The following TAF1B variants were observed in gnomAD, a reference collection of about 807,000 sequenced individuals.
TAF1B encodes TATA-box binding protein associated factor, RNA polymerase I subunit B.
Under a neutral mutation model 83.9 loss-of-function variants are expected in TAF1B, and 61 were observed. The ratio of observed to expected loss-of-function variants is 0.73; its 90% confidence interval spans 0.59 to 0.90. The LOEUF (loss-of-function observed/expected upper bound fraction) is 0.90. Among genes scored for constraint, TAF1B ranks in the 40% least tolerant of loss-of-function variants. The pLI is 0.00. For synonymous variants in TAF1B, 221 were observed against 224.6 expected (o/e 0.98, Z 0.14); for missense variants, 625 against 677.0 (o/e 0.92, Z 0.85).
intron 8 of TAF1B, among the ~76,000 whole-genome samples, chr2:9,897,578 T>C (rs1665054755): frequency 1.3e-5 from 2 of 152,202 alleles, no homozygotes; most frequent in South Asian, 4.1e-4. Flanking sequence ...ACCCACTGCG[T>C]GGCACTTAGC....
At chr2:9,889,698 G>T (rs1408718826) in intron 8 of TAF1B, among the ~76,000 whole-genome samples, 3 of 152,032 alleles carry the variant, frequency 2.0e-5, no homozygotes, top group Admixed American at 6.6e-5. Context: ...TTTTGTTCTA[G>T]TGTATAATTA....
chr2:9,929,437 C>T (rs900659451), intron 14 of TAF1B, among the ~76,000 whole-genome samples: 1 of 152,066 alleles, frequency 6.6e-6, no homozygotes, highest in Non-Finnish European at 1.5e-5. Context: ...GGATTACAGG[C>T]GCGAGCCACC....
chr2:9,863,408 A>C (rs955018853), intron 5 of TAF1B, among the ~76,000 whole-genome samples: 1 of 152,238 alleles, frequency 6.6e-6, no homozygotes, highest in African/African-American at 2.4e-5. Context: ...TATCCTAAAT[A>C]TATATGCACC....
At chr2:9,921,070 C>T (rs538774222) in intron 14 of TAF1B, among the ~76,000 whole-genome samples, 4 of 152,102 alleles carry the variant, frequency 2.6e-5, no homozygotes, top group South Asian at 4.2e-4. Flanking sequence ...TCCCTATAAA[C>T]GGTCGATATT....
intron 6 of TAF1B, chr2:9,868,723 T>G: frequency 1.8e-6 from 1 of 552,160 alleles, no homozygotes; most frequent in Non-Finnish European, 3.6e-6. Flanking sequence ...TCTATATGTG[T>G]GGGCTCAGCG....
chr2:9,882,365 T>C (rs1664535109), intron 7 of TAF1B, among the ~76,000 whole-genome samples: 1 of 152,190 alleles, frequency 6.6e-6, no homozygotes, highest in Admixed American at 6.5e-5. Flanking sequence ...CCCAAAGTGC[T>C]GGGATTACAG....
chr2:9,912,255 CTT>C (rs376993908), intron 11 of TAF1B, among the ~76,000 whole-genome samples: 12 of 145,232 alleles, frequency 8.3e-5, no homozygotes, highest in Non-Finnish European at 1.4e-4. Flanking sequence ...GGGATCATAT[CTT>C]TTTTTTTTTT....
chr2:9,901,102 A>T (rs1427264211), intron 8 of TAF1B, among the ~76,000 whole-genome samples: 1 of 152,200 alleles, frequency 6.6e-6, no homozygotes, highest in Non-Finnish European at 1.5e-5. Context: ...TATTCATCAT[A>T]GCATTCTTTA....
intron 5 of TAF1B, 31 bp downstream of exon 5, chr2:9,854,452 A>G: frequency 6.6e-7 from 1 of 1,526,298 alleles, no homozygotes; most frequent in South Asian, 1.1e-5. Context: ...GTTGGATTAA[A>G]AAACATGTCT....
At chr2:9,911,937 C>A (rs1665545857) in intron 11 of TAF1B, among the ~76,000 whole-genome samples, 2 of 152,216 alleles carry the variant, frequency 1.3e-5, no homozygotes, top group South Asian at 4.1e-4. Context: ...CCTGTTCAGT[C>A]CCTGGCAAAT....
chr2:9,906,307 C>T (rs1463976501), intron 9 of TAF1B, among the ~76,000 whole-genome samples: 1 of 151,856 alleles, frequency 6.6e-6, no homozygotes, highest in Non-Finnish European at 1.5e-5. Context: ...ATTTCCTGTG[C>T]GTAAGGAGTA....
chr2:9,874,990 G>A (rs1248699297), intron 6 of TAF1B, among the ~76,000 whole-genome samples: 1 of 150,230 alleles, frequency 6.7e-6, no homozygotes, highest in African/African-American at 2.5e-5. Flanking sequence ...TGGAGACAGA[G>A]TCTTGCTCTG....
intron 8 of TAF1B, among the ~76,000 whole-genome samples, chr2:9,890,497 T>C (rs1300532893): frequency 1.3e-5 from 2 of 152,184 alleles, no homozygotes; most frequent in Non-Finnish European, 2.9e-5. Context: ...AAAAAAAAAT[T>C]GTAGTCTCTG....
chr2:9,933,158 G>T (rs918254484), intron 14 of TAF1B, among the ~76,000 whole-genome samples: 1 of 152,154 alleles, frequency 6.6e-6, no homozygotes, highest in African/African-American at 2.4e-5. Flanking sequence ...ACCCTCCGTG[G>T]GCTGCACCCA....
intron 1 of TAF1B, chr2:9,843,864 T>A: frequency 4.8e-6 from 1 of 209,310 alleles, no homozygotes. Context: ...CCCACAGGGC[T>A]CATCCTCGAG....
At chr2:9,844,537 TG>T (rs1663138651) in intron 1 of TAF1B, 1 of 152,192 alleles carries the variant, frequency 6.6e-6, no homozygotes, top group African/African-American at 2.4e-5. Flanking sequence ...TCCAAAGAGT[TG>T]GGGATCAGAG....
intron 8 of TAF1B, among the ~76,000 whole-genome samples, chr2:9,896,539 G>C (rs1348309768): frequency 6.7e-6 from 1 of 150,054 alleles, no homozygotes; most frequent in Non-Finnish European, 1.5e-5. Flanking sequence ...TTGTGTGTGG[G>C]CTGCTGGGGA....
intron 2 of TAF1B, among the ~76,000 whole-genome samples, chr2:9,848,968 A>G (rs1013280777): frequency 6.6e-6 from 1 of 152,254 alleles, no homozygotes; most frequent in Non-Finnish European, 1.5e-5. Flanking sequence ...AAGTAGGCCA[A>G]AACTAATCTG....
At chr2:9,862,042 TC>T (rs1663787365) in intron 5 of TAF1B, among the ~76,000 whole-genome samples, 1 of 100,710 alleles carries the variant, frequency 9.9e-6, no homozygotes, top group Admixed American at 1.1e-4. Flanking sequence ...AGAACGCCTC[TC>T]CTCCAAAGGA....
Sources: allele counts gnomAD v4.1 joint callset (sites outside exome capture counted in the v4.1 genomes callset), GRCh38; gene constraint gnomAD v4.1.1; transcripts MANE v1.5; gene names NCBI Gene and HGNC (gene_info 2026-07-23, HGNC 2026-07-21).